Variants in XKR9 observed in about 807,000 individuals in gnomAD.
The protein encoded by XKR9 is XK related 9.
In XKR9, 32 loss-of-function variants were observed where a neutral mutation model predicts 32.0. The ratio of observed to expected loss-of-function variants is 1.00; its 90% CI spans 0.76 to 1.34. The LOEUF is 1.34. Ranked by LOEUF, XKR9 falls within the 40% of genes most tolerant of loss-of-function variation. The pLI is 0.00. For synonymous variants in XKR9, 168 were observed against 143.4 expected, an observed-to-expected ratio of 1.17 and a Z score of -1.22; for missense variants, 546 against 429.7, an observed-to-expected ratio of 1.27 and a Z score of -2.39.
chr8:71,038,987 A>G, the XKR9 span, among the ~76,000 whole-genome samples: 1 of 151,836 alleles, frequency 6.6e-6, no homozygotes, highest in Non-Finnish European at 1.5e-5. Flanking sequence ...TATTTTTAGT[A>G]GAGACGGGGT....
intron 4 of XKR9, among the ~76,000 whole-genome samples, chr8:70,710,171 A>C (rs762390753): frequency 2.3e-4 from 35 of 152,164 alleles, no homozygotes; most frequent in Non-Finnish European, 3.1e-4. Flanking sequence ...GACAGAGTCG[A>C]CAGTAACAAG....
chr8:70,900,064 T>C, the XKR9 span, among the ~76,000 whole-genome samples: 4 of 152,020 alleles, frequency 2.6e-5, no homozygotes, highest in Non-Finnish European at 4.4e-5. Context: ...CCTAAAAATG[T>C]GCACTCCAGC....
chr8:71,057,119 T>C, the XKR9 span, among the ~76,000 whole-genome samples: 1 of 152,174 alleles, frequency 6.6e-6, no homozygotes, highest in African/African-American at 2.4e-5. Context: ...CAAGGAGCAT[T>C]TGTGGCTACA....
intron 1 of XKR9, 64 bp from the exon 2 acceptor site, chr8:70,674,751 GATT>G (rs1364640804): frequency 6.6e-6 from 1 of 152,150 alleles, no homozygotes; most frequent in Non-Finnish European, 1.5e-5. Context: ...ACTAACAGGT[GATT>G]TCAGTTTCAT....
At chr8:70,790,547 A>G (rs575098364), downstream of XKR9, among the ~76,000 whole-genome samples, 2 of 152,056 alleles carry the variant, frequency 1.3e-5, no homozygotes, top group South Asian at 2.1e-4. Context: ...GTGTCTTTTC[A>G]TCTTCCTTTG....
the XKR9 span, among the ~76,000 whole-genome samples, chr8:70,884,637 A>G: frequency 6.6e-6 from 1 of 152,100 alleles, no homozygotes; most frequent in Non-Finnish European, 1.5e-5. Flanking sequence ...ACTTGTTGAA[A>G]AGCCTCTTCT....
the XKR9 span, among the ~76,000 whole-genome samples, chr8:70,852,677 A>T: frequency 6.6e-6 from 1 of 152,228 alleles, no homozygotes; most frequent in East Asian, 1.9e-4. Flanking sequence ...CCATAAAAAG[A>T]ATGAGTTCAT....
At chr8:70,804,064 A>G in the XKR9 span, among the ~76,000 whole-genome samples, 69 of 152,326 alleles carry the variant, frequency 4.5e-4, 1 homozygote, top group African/African-American at 1.6e-3. Flanking sequence ...TCTAGCAAGC[A>G]TTGCCTGCCT....
the XKR9 span, among the ~76,000 whole-genome samples, chr8:70,886,176 T>G: frequency 6.6e-6 from 1 of 152,228 alleles, no homozygotes; most frequent in African/African-American, 2.4e-5. Context: ...TTGCTGAGAA[T>G]GATCGTTTCC....
chr8:70,941,230 C>A, the XKR9 span, among the ~76,000 whole-genome samples: 1 of 151,656 alleles, frequency 6.6e-6, no homozygotes, highest in South Asian at 2.1e-4. Flanking sequence ...TAATATGTAA[C>A]CTTTTGTGTC....
At chr8:71,028,918 G>GAGAGAGAGAA in the XKR9 span, among the ~76,000 whole-genome samples, 1 of 152,096 alleles carries the variant, frequency 6.6e-6, no homozygotes, top group Non-Finnish European at 1.5e-5. Flanking sequence ...AAGAGAGAGA[G>GAGAGAGAGAA]AGAGAGACAG....
intron 2 of XKR9, among the ~76,000 whole-genome samples, chr8:70,782,759 C>CT (rs911665024): frequency 6.6e-6 from 1 of 152,062 alleles, no homozygotes; most frequent in African/African-American, 2.4e-5. Flanking sequence ...AGATTTTCTT[C>CT]TTTTTAAAAG....
At chr8:70,967,444 G>A in the XKR9 span, among the ~76,000 whole-genome samples, 1 of 151,958 alleles carries the variant, frequency 6.6e-6, no homozygotes, top group Non-Finnish European at 1.5e-5. Flanking sequence ...GTTTAAGGTT[G>A]GTATTATTAT....
At chr8:70,850,457 CCTT>C in the XKR9 span, among the ~76,000 whole-genome samples, 76 of 123,078 alleles carry the variant, frequency 6.2e-4, no homozygotes, top group East Asian at 0.011. Context: ...CAGCAAGACT[CCTT>C]CTCAAAAAAA....
At chr8:71,038,720 A>T in the XKR9 span, among the ~76,000 whole-genome samples, 1 of 150,692 alleles carries the variant, frequency 6.6e-6, no homozygotes, top group Middle Eastern at 3.4e-3. Context: ...GTTCTCATGA[A>T]TAATTGTCCT....
At chr8:70,860,531 T>A in the XKR9 span, among the ~76,000 whole-genome samples, 1 of 152,154 alleles carries the variant, frequency 6.6e-6, no homozygotes. Flanking sequence ...CTTCTAAACT[T>A]AATTTATAAT....
chr8:70,781,261 T>C (rs546698658), intron 2 of XKR9, among the ~76,000 whole-genome samples: 35 of 152,260 alleles, frequency 2.3e-4, no homozygotes, highest in African/African-American at 8.4e-4. Flanking sequence ...CCATTTTAAA[T>C]TGGGTTATTT....
chr8:70,845,776 A>T, the XKR9 span, among the ~76,000 whole-genome samples: 1 of 152,084 alleles, frequency 6.6e-6, no homozygotes, highest in Non-Finnish European at 1.5e-5. Context: ...AAAAATAATA[A>T]AAAAAACCAA....
the XKR9 span, among the ~76,000 whole-genome samples, chr8:70,925,344 C>A: frequency 6.6e-6 from 1 of 151,186 alleles, no homozygotes; most frequent in Admixed American, 6.6e-5. Flanking sequence ...TAGATGGATT[C>A]AAAAAAAAGA....
Sources: gnomAD v4.1 joint callset for allele counts (sites outside exome capture counted in the v4.1 genomes callset) on GRCh38, gnomAD v4.1.1 for gene constraint, MANE v1.5 for transcripts, NCBI Gene and HGNC (gene_info 2026-07-23, HGNC 2026-07-21) for gene names.